TBC1D22A: variants seen among roughly 807,000 people sequenced by gnomAD.
TBC1D22A encodes putative GTPase activator.
Under a neutral mutation model 60.2 loss-of-function variants are expected in TBC1D22A, and 38 were observed. The observed-to-expected ratio is 0.63, with a 90% confidence interval of 0.49 to 0.83. The LOEUF (loss-of-function observed/expected upper bound fraction) is 0.83, where lower values mean the gene tolerates loss of function less well. Among genes scored for constraint, TBC1D22A ranks in the 40% least tolerant of loss-of-function variants. The pLI, the probability that TBC1D22A is intolerant of heterozygous loss-of-function variation, is 0.00. For missense variants in TBC1D22A, 628 were observed against 701.0 expected (o/e 0.90, Z 1.18); for synonymous variants, 302 against 281.7 (o/e 1.07, Z -0.72).
At chr22:46,886,831 T>C (rs5769200) in intron 5 of TBC1D22A, among the ~76,000 whole-genome samples, 83,872 of 152,136 alleles carry the variant, frequency 0.55, 26,446 homozygotes, top group Middle Eastern at 0.75. Flanking sequence ...TGTGCTGCGA[T>C]AGGGCAAAAG....
At position 47,166,522 on chromosome 22, in the gene TBC1D22A, C is replaced by T. The variant is rs147466552; in HGVS notation, c.1426-6976C>T. 4.2e-3 allele frequency among the ~76,000 whole-genome samples: 646 copies of T among 152,356 alleles called. 3 individuals carry two copies. Among genetic ancestry groups the T allele is most frequent in the Non-Finnish European group, 7.5e-3 (508 of 68,034 alleles). Reference sequence around the variant, plus strand: ...CTGCACAGACCCGCCCTGTTTCAGACGCACCACTCATGGCCCTTGAAGGCG... The same window carrying T: ...CTGCACAGACCCGCCCTGTTTCAGATGCACCACTCATGGCCCTTGAAGGCG... On this transcript the variant is annotated intron_variant, in intron 12 of 12. Coordinates refer to ENST00000337137, the MANE Select transcript of TBC1D22A (RefSeq NM_014346.5).
In TBC1D22A at chr22:47,104,994, C is replaced by A. The variant is rs568324042; in HGVS notation, c.1330-6514C>A. 6.6e-5 allele frequency among the ~76,000 whole-genome samples: 10 copies of A among 152,078 alleles called. No individual in the cohort carries two copies. The East Asian group carries it at 1.5e-3, about 24-fold the overall frequency. On this transcript the variant is annotated intron_variant, in intron 11 of 12. Coordinates refer to ENST00000337137, the MANE Select transcript of TBC1D22A (RefSeq NM_014346.5). The stretch of plus-strand genomic sequence containing the variant: ...AATGTATTTGATTGATGTCTCATGA[C>A]TCCCTAAAATGTACAAAATCAAGCT...
intron 12 of TBC1D22A, among the ~76,000 whole-genome samples, chr22:47,149,063 G>A (rs2067396144): frequency 6.6e-6 from 1 of 151,646 alleles, no homozygotes; most frequent in African/African-American, 2.4e-5. Context: ...AGTAAGTGTG[G>A]GAGTGGAGGA....
intron 8 of TBC1D22A, among the ~76,000 whole-genome samples, chr22:46,946,966 G>T (rs1228518936): frequency 6.6e-6 from 1 of 152,174 alleles, no homozygotes; most frequent in Non-Finnish European, 1.5e-5. Flanking sequence ...CAGTCCAGTT[G>T]TATAATTTCA....
chr22:46,781,667 G>A (rs1054909780), intron 1 of TBC1D22A, among the ~76,000 whole-genome samples: 27 of 152,290 alleles, frequency 1.8e-4, no homozygotes, highest in African/African-American at 6.5e-4. Flanking sequence ...TCTTCTCCAG[G>A]GCACAGCCTC....
chr22:47,147,642 A>T (rs1429582615), intron 12 of TBC1D22A, among the ~76,000 whole-genome samples: 4 of 152,222 alleles, frequency 2.6e-5, no homozygotes, highest in Non-Finnish European at 5.9e-5. Context: ...GGTCGCACAC[A>T]GAGCATTTGC....
rs747893769 is a variant in TBC1D22A, at chr22:47,173,642, C to T, written c.*16C>T. On this transcript the variant is annotated 3_prime_UTR_variant, in exon 13 of 13. Coordinates refer to ENST00000337137, the MANE Select transcript of TBC1D22A (RefSeq NM_014346.5). ...CAAGAAATGAGCCCAGGCCCACCCG[C>T]AGCTGGCCTCACTGTCCCGGGTGGC... 6.2e-7 allele frequency: 1 copy of T among 1,613,196 alleles called. No homozygotes were observed. The highest frequency in any genetic ancestry group is 8.5e-7 in the Non-Finnish European group (1 of 1,179,562).
At chr22:46,927,511 A>G (rs2071116169) in intron 8 of TBC1D22A, among the ~76,000 whole-genome samples, 1 of 152,244 alleles carries the variant, frequency 6.6e-6, no homozygotes, top group South Asian at 2.1e-4. Context: ...TTGAAAAGAC[A>G]AAGTTTTTCC....
chr22:46,776,055 C>T (rs1024687538), intron 1 of TBC1D22A, among the ~76,000 whole-genome samples: 25 of 152,210 alleles, frequency 1.6e-4, no homozygotes, highest in African/African-American at 4.3e-4. Flanking sequence ...GAGCTTCTGC[C>T]GCAAGGATGC....
chr22:47,051,080 T>C (rs931458880), intron 11 of TBC1D22A, among the ~76,000 whole-genome samples: 12 of 151,970 alleles, frequency 7.9e-5, no homozygotes, highest in African/African-American at 2.9e-4. Context: ...TTCTGCCCTG[T>C]GGCCTGGCAG....
At chr22:47,171,403 G>A (rs567614492) in intron 12 of TBC1D22A, among the ~76,000 whole-genome samples, 2 of 152,194 alleles carry the variant, frequency 1.3e-5, no homozygotes, top group East Asian at 1.9e-4. Context: ...GGGGTGGGAG[G>A]TAGGAGAAGC....
At chr22:46,935,799 T>A (rs1167673823) in intron 8 of TBC1D22A, among the ~76,000 whole-genome samples, 1 of 152,172 alleles carries the variant, frequency 6.6e-6, no homozygotes, top group African/African-American at 2.4e-5. Flanking sequence ...TCTGAACCCA[T>A]GTCTCTGTAG....
chr22:47,072,539 C>G, intron 11 of TBC1D22A, among the ~76,000 whole-genome samples: 1 of 152,224 alleles, frequency 6.6e-6, no homozygotes, highest in East Asian at 1.9e-4. Flanking sequence ...CTCTCCATGC[C>G]TTATGCACTT....
At chr22:46,868,767 T>TC (rs557687400) in intron 4 of TBC1D22A, among the ~76,000 whole-genome samples, 4 of 152,224 alleles carry the variant, frequency 2.6e-5, no homozygotes, top group Admixed American at 1.3e-4. Flanking sequence ...TTCTTCCTCT[T>TC]CTCCTTCCCC....
intron 8 of TBC1D22A, among the ~76,000 whole-genome samples, chr22:46,952,375 C>T (rs1009443556): frequency 7.0e-6 from 1 of 142,072 alleles, no homozygotes; most frequent in Non-Finnish European, 1.6e-5. Context: ...CCTGCGTTCT[C>T]CACTCTTGCA....
rs1012072276 is a variant in TBC1D22A at position 47,063,396 on chromosome 22, T to G, written c.1329+26198T>G. 3.9e-4 allele frequency among the ~76,000 whole-genome samples: 60 copies of G among 152,092 alleles called. 1 individual carries two copies. The highest frequency in any genetic ancestry group is 3.2e-3 in the Middle Eastern group (1 of 316). On this transcript the variant is annotated intron_variant, in intron 11 of 12. Transcript: ENST00000337137. ...ATGGAAGTTAGGCCCGGCCTCGTCC[T>G]GGAGCCCCGTGGGTGGAAGGGAGGC...
chr22:47,128,097 C>G (rs1200511310), intron 12 of TBC1D22A, among the ~76,000 whole-genome samples: 1 of 7,548 alleles, frequency 1.3e-4, no homozygotes, highest in Non-Finnish European at 2.6e-4. Flanking sequence ...TCCCTCCACC[C>G]CACACATCCC....
chr22:47,138,187 G>A (rs943529471), intron 12 of TBC1D22A, among the ~76,000 whole-genome samples: 3 of 152,214 alleles, frequency 2.0e-5, no homozygotes, highest in African/African-American at 7.2e-5. Flanking sequence ...TCACTTTGTC[G>A]AGGAAGAAGT....
chr22:46,939,765 C>T (rs1217538948), intron 8 of TBC1D22A, among the ~76,000 whole-genome samples: 1 of 152,150 alleles, frequency 6.6e-6, no homozygotes, highest in Non-Finnish European at 1.5e-5. Context: ...TAACGAGGAG[C>T]TAAAACCGAT....
Sources: allele counts gnomAD v4.1 joint callset (sites outside exome capture counted in the v4.1 genomes callset), GRCh38; gene constraint gnomAD v4.1.1; transcripts MANE v1.5; gene names NCBI Gene and HGNC (gene_info 2026-07-23, HGNC 2026-07-21).